Variants in PTPRN2 observed in about 807,000 individuals in gnomAD.
PTPRN2 encodes receptor-type tyrosine-protein phosphatase N2.
In PTPRN2, 74 loss-of-function variants were observed where a neutral mutation model predicts 118.8. The observed-to-expected ratio is 0.62, with a 90% CI of 0.52 to 0.76. The LOEUF is 0.76. Ranked by LOEUF, PTPRN2 falls within the 30% of genes least tolerant of loss-of-function variation. PTPRN2 has a pLI of 0.00. For missense variants in PTPRN2, 1,481 were observed against 1,394.4 expected, an observed-to-expected ratio of 1.06 and a Z score of -0.99; for synonymous variants, 641 against 608.0, an observed-to-expected ratio of 1.05 and a Z score of -0.80.
chr7:158,147,476 T>A (rs1238335726), intron 6 of PTPRN2, among the ~76,000 whole-genome samples: 10 of 91,328 alleles, frequency 1.1e-4, no homozygotes, highest in Non-Finnish European at 1.5e-4. Context: ...CCACGTGTCT[T>A]TCCCCCTCAC....
At chr7:158,309,843 T>C (rs897277481) in intron 3 of PTPRN2, among the ~76,000 whole-genome samples, 1 of 152,182 alleles carries the variant, frequency 6.6e-6, no homozygotes, top group Non-Finnish European at 1.5e-5. Context: ...GTGCTGGAAT[T>C]CTGATCCCCA....
chr7:158,103,972 C>G (rs559611089), intron 10 of PTPRN2, among the ~76,000 whole-genome samples: 15 of 152,122 alleles, frequency 9.9e-5, no homozygotes, highest in African/African-American at 3.4e-4. Context: ...AAGCAATTCT[C>G]TGCCTCAGCC....
intron 5 of PTPRN2, among the ~76,000 whole-genome samples, chr7:158,176,463 A>G (rs1824217152): frequency 6.6e-6 from 1 of 152,164 alleles, no homozygotes; most frequent in African/African-American, 2.4e-5. Flanking sequence ...CCTTCTCCCT[A>G]GGCTGTGTAT....
Position 158,438,075 on chromosome 7 carries a change from G to A in PTPRN2, c.163+51660C>T, listed in dbSNP as rs1390152756. Among the ~76,000 whole-genome samples the A allele has an allele frequency of 1.3e-5, 2 of 152,150 alleles. No homozygotes were observed. The highest frequency in any genetic ancestry group is 3.9e-4 in the East Asian group (2 of 5,178). On this transcript the variant is annotated intron_variant, in intron 2 of 22. Coordinates refer to ENST00000389418, the MANE Select transcript of PTPRN2 (RefSeq NM_002847.5). This position sits in a 1 kb window ranked among gnomAD's most constrained non-coding sequence, Gnocchi z 4.7. ...GGCTCCCTAACAGTGCCCCTCCGAT[G>A]GGTCTTTTTTAAGTTTTTTTGGCCA...
chr7:157,613,063 G>C (rs574345680), intron 15 of PTPRN2, among the ~76,000 whole-genome samples: 2 of 152,120 alleles, frequency 1.3e-5, no homozygotes, highest in Non-Finnish European at 2.9e-5. Context: ...AGGAGGCAGG[G>C]AGAGCCCTGC....
chr7:157,968,018 C>T (rs1012000262), intron 11 of PTPRN2, among the ~76,000 whole-genome samples: 11 of 152,140 alleles, frequency 7.2e-5, no homozygotes, highest in Non-Finnish European at 1.3e-4. Flanking sequence ...CAGTATCTTC[C>T]CTTTATAGAC....
At chr7:158,401,756 A>G (rs926079113) in intron 2 of PTPRN2, among the ~76,000 whole-genome samples, 1 of 152,244 alleles carries the variant, frequency 6.6e-6, no homozygotes, top group African/African-American at 2.4e-5. Flanking sequence ...AAACAAAAGG[A>G]CGAATGGCTG....
rs551884136 is a variant in PTPRN2, at chr7:158,249,202, A to T, written c.278-43929T>A. ...ACACACACGAACACACATCACACACATGCACACCATACATAAATGCATACA... is the reference window on the plus strand; with the variant it reads ...ACACACACGAACACACATCACACACTTGCACACCATACATAAATGCATACA... On this transcript the variant is annotated intron_variant, in intron 3 of 22. Transcript: ENST00000389418. Among the ~76,000 whole-genome samples the T allele has an allele frequency of 2.0e-3, 302 of 152,188 alleles. 2 individuals are homozygous for T. Among genetic ancestry groups the T allele is most frequent in the Admixed American group, 4.2e-3 (64 of 15,292 alleles).
At chr7:158,474,121 C>T (rs557891292) in intron 2 of PTPRN2, among the ~76,000 whole-genome samples, 8 of 152,180 alleles carry the variant, frequency 5.3e-5, no homozygotes, top group African/African-American at 1.9e-4. Flanking sequence ...CTGGCCCAGC[C>T]CCCGTGCGGC....
At chr7:158,118,797 G>A (rs1384646050) in intron 9 of PTPRN2, among the ~76,000 whole-genome samples, 1 of 152,118 alleles carries the variant, frequency 6.6e-6, no homozygotes, top group African/African-American at 2.4e-5. Context: ...AACCTTTCCA[G>A]GCTCAGGTGA....
chr7:158,523,724 CTGCCCTGGAGT>C (rs1824484216), intron 1 of PTPRN2, among the ~76,000 whole-genome samples: 1 of 137,752 alleles, frequency 7.3e-6, no homozygotes, highest in Non-Finnish European at 1.6e-5. Context: ...GGAGTGGAGT[CTGCCCTGGAGT>C]GGAGTCGTCT....
chr7:157,793,186 A>G (rs1162038651), intron 12 of PTPRN2, among the ~76,000 whole-genome samples: 2 of 151,224 alleles, frequency 1.3e-5, no homozygotes, highest in African/African-American at 4.9e-5. Context: ...ACAGGCACCC[A>G]GCCGAGAGTC....
chr7:158,479,622 A>G (rs369785780), intron 2 of PTPRN2, among the ~76,000 whole-genome samples: 13 of 152,230 alleles, frequency 8.5e-5, no homozygotes, highest in African/African-American at 2.9e-4. Flanking sequence ...GGAAAAGCAC[A>G]ATGGGTTTGA....
chr7:158,018,974 A>C (rs1330483345), intron 11 of PTPRN2, among the ~76,000 whole-genome samples: 60 of 132,044 alleles, frequency 4.5e-4, no homozygotes, highest in African/African-American at 1.3e-3. Flanking sequence ...AACAAAAAAA[A>C]AAAAAAAAAA....
intron 15 of PTPRN2, among the ~76,000 whole-genome samples, chr7:157,612,290 G>T (rs1227260466): frequency 1.3e-5 from 2 of 152,238 alleles, no homozygotes; most frequent in Non-Finnish European, 2.9e-5. Flanking sequence ...GCTGTAACAG[G>T]AGCACAGATA....
chr7:157,999,019 G>T (rs570424605), intron 11 of PTPRN2, among the ~76,000 whole-genome samples: 54 of 152,026 alleles, frequency 3.6e-4, no homozygotes, highest in African/African-American at 1.3e-3. Flanking sequence ...CTGACAGTGT[G>T]GGGCGGTCCC....
rs11335302 is a variant in PTPRN2 at position 157,642,814 on chromosome 7, C to CAAAAAAAAAAAAAAAAAAAA, written c.2196+13523_2196+13542dup. On this transcript the variant is annotated intron_variant, in intron 14 of 22. Transcript: ENST00000389418. ...AAGGGTCTACCAAGTCAAGAAACAG[C>CAAAAAAAAAAAAAAAAAAAA]AAAAAAAAAAAAAAAAAAAAAAAAA... Among the ~76,000 whole-genome samples, 44 of 24,218 alleles carry CAAAAAAAAAAAAAAAAAAAA rather than the reference C, an allele frequency of 1.8e-3. 9 individuals are homozygous for CAAAAAAAAAAAAAAAAAAAA. Among genetic ancestry groups the CAAAAAAAAAAAAAAAAAAAA allele is most frequent in the Non-Finnish European group, 2.7e-3 (32 of 11,920 alleles). The allele number at this position is 24,218 out of a possible 152,430, so 15.9% of individuals were successfully genotyped here. A position where few individuals can be genotyped will look rare whatever the true frequency, so the allele number is the denominator to read the frequency against.
intron 2 of PTPRN2, among the ~76,000 whole-genome samples, chr7:158,444,552 A>T (rs894552334): frequency 2.6e-5 from 4 of 152,142 alleles, no homozygotes; most frequent in Admixed American, 2.6e-4. Flanking sequence ...CCAGGCCAAA[A>T]CCCTGTTAGA....
intron 11 of PTPRN2, chr7:158,030,014 T>C (rs1424013103): frequency 6.6e-6 from 1 of 152,170 alleles, no homozygotes; most frequent in Non-Finnish European, 1.5e-5. Context: ...AGAGAGAAAA[T>C]ACATACACAG....
Sources: allele counts gnomAD v4.1 joint callset (sites outside exome capture counted in the v4.1 genomes callset), GRCh38; gene constraint gnomAD v4.1.1; non-coding constraint Gnocchi (gnomAD v3.1); transcripts MANE v1.5; gene names NCBI Gene and HGNC (gene_info 2026-07-23, HGNC 2026-07-21).